Variants in PCBP2 observed in about 807,000 individuals in gnomAD.
PCBP2 encodes the protein poly(rC) binding protein 2, also known as poly(rC)-binding protein 2.
In PCBP2, 4 loss-of-function variants were observed where a neutral mutation model predicts 50.1. The ratio of observed to expected loss-of-function variants is 0.08; its 90% confidence interval spans 0.04 to 0.18. The LOEUF is 0.18. Ranked by LOEUF, PCBP2 falls within the 10% of genes least tolerant of loss-of-function variation. PCBP2 has a pLI of 1.00. For synonymous variants in PCBP2, 179 were observed against 168.0 expected, an observed-to-expected ratio of 1.07 and a Z score of -0.51; for missense variants, 161 against 474.3, an observed-to-expected ratio of 0.34 and a Z score of 6.14.
intron 14 of PCBP2, among the ~76,000 whole-genome samples, chr12:53,478,399 T>C (rs1331366053): frequency 6.6e-6 from 1 of 152,008 alleles, no homozygotes; most frequent in Non-Finnish European, 1.5e-5. Context: ...TTGCAGCTAC[T>C]CAGGAGGCTG....
At chr12:53,470,625 C>T (rs760735263) in intron 13 of PCBP2, among the ~76,000 whole-genome samples, 19 of 151,990 alleles carry the variant, frequency 1.3e-4, no homozygotes, top group Non-Finnish European at 1.3e-4. Context: ...AACTCCTGAA[C>T]GCAAGTGATT....
chr12:53,454,996 T>C lies in PCBP2; in HGVS notation c.69+127T>C. The C allele has an allele frequency of 1.7e-5, 14 of 809,308 alleles. 1 individual carries two copies. The South Asian group carries it at 1.9e-4, about 11-fold the overall frequency. 50.1% of individuals were successfully genotyped at this position (809,308 alleles called of 1,614,324 possible). A position where few individuals can be genotyped will look rare whatever the true frequency, so the allele number is the denominator to read the frequency against. On this transcript the variant is annotated intron_variant, in intron 2 of 14. Coordinates refer to ENST00000546463, the MANE Select transcript of PCBP2 (RefSeq NM_031989.5). ...ATCTGGCTTTAGCACATTTCCCTAA[T>C]GGAGTAGAAGTGAGTGTAGTGGGAA...
In PCBP2 at chr12:53,462,143, A is replaced by G. The variant is rs547561808; in HGVS notation, c.505-350A>G. ...GCAGTTTTGACCTTATTTCCTATTC[A>G]GGCCAAAAAAATGTGAGATACTAAA... On this transcript the variant is annotated intron_variant, in intron 7 of 14. Transcript: ENST00000546463. 2.0e-4 allele frequency among the ~76,000 whole-genome samples: 31 copies of G among 152,336 alleles called. No homozygotes were observed. In the South Asian group the frequency reaches 6.0e-3, roughly 29 times the overall value.
chr12:53,471,618 G>A lies in PCBP2; in HGVS notation c.883-20G>A, dbSNP rs758216034. The A allele has an allele frequency of 1.2e-6, 2 of 1,601,028 alleles. No individual in the cohort carries two copies. Among genetic ancestry groups the A allele is most frequent in the East Asian group, 4.5e-5 (2 of 44,728 alleles). On this transcript the variant is annotated intron_variant, in intron 13 of 14. Transcript: ENST00000546463. ...ATGCAACTCTAATTCGGTGTGCCTT[G>A]TTTTTCTTTCTCCCTTAAGTTGATT...
At chr12:53,459,765 C>CT (rs748942545) in intron 6 of PCBP2, 102 of 321,424 alleles carry the variant, frequency 3.2e-4, no homozygotes, top group East Asian at 9.1e-4. Flanking sequence ...AACTTTTTTT[C>CT]TTTTTTTTGA....
At chr12:53,477,873 T>C (rs1942737227) in intron 14 of PCBP2, among the ~76,000 whole-genome samples, 1 of 152,142 alleles carries the variant, frequency 6.6e-6, no homozygotes, top group Non-Finnish European at 1.5e-5. Flanking sequence ...TGACCACATA[T>C]CACAAATATT....
At chr12:53,462,810 A>G (rs1404728267) in intron 8 of PCBP2, among the ~76,000 whole-genome samples, 1 of 152,142 alleles carries the variant, frequency 6.6e-6, no homozygotes, top group Non-Finnish European at 1.5e-5. Context: ...TTAGAATATA[A>G]GAGTTGAATT....
At chr12:53,470,378 CAAAAAAAAAAA>C (rs754350790) in intron 13 of PCBP2, among the ~76,000 whole-genome samples, 2 of 47,360 alleles carry the variant, frequency 4.2e-5, no homozygotes, top group African/African-American at 2.0e-4. Flanking sequence ...CTCCGTCTCT[CAAAAAAAAAAA>C]AAAAAAAAAA....
chr12:53,471,550 T>G, intron 13 of PCBP2, 88 bp from the exon 14 acceptor site: 2 of 1,251,038 alleles, frequency 1.6e-6, no homozygotes, highest in Non-Finnish European at 1.1e-6. Flanking sequence ...CTGGCCACAG[T>G]CGTAGGATTT....
At chr12:53,458,204 A>G (rs1438516754) in intron 5 of PCBP2, among the ~76,000 whole-genome samples, 1 of 152,114 alleles carries the variant, frequency 6.6e-6, no homozygotes, top group East Asian at 1.9e-4. Context: ...CTGGGAATAC[A>G]GGCCTGAGCC....
chr12:53,462,472 T>G (rs747686138), intron 7 of PCBP2, 21 bp from the exon 8 acceptor site: 4 of 1,597,302 alleles, frequency 2.5e-6, no homozygotes, highest in Non-Finnish European at 3.4e-6. Flanking sequence ...TTTGTTTTTT[T>G]CCCCTCTGAC....
chr12:53,461,874 AT>A (rs554230487), intron 7 of PCBP2, among the ~76,000 whole-genome samples: 1 of 151,834 alleles, frequency 6.6e-6, no homozygotes, highest in East Asian at 1.9e-4. Flanking sequence ...CACCTGGCTA[AT>A]TTTTTTTATT....
At chr12:53,474,635 T>A (rs1942452833) in intron 14 of PCBP2, among the ~76,000 whole-genome samples, 1 of 152,178 alleles carries the variant, frequency 6.6e-6, no homozygotes, top group Non-Finnish European at 1.5e-5. Context: ...TCTGTCAGCT[T>A]TTTCTTCACC....
chr12:53,479,393 T>G lies in PCBP2; in HGVS notation c.1053-13T>G, dbSNP rs1942902758. ...CTGGGGAAACTAACTGAGTTCTTGT[T>G]TCTGTGTTACAGGCTTTCCTCGGAG... On this transcript the variant is annotated splice_polypyrimidine_tract_variant and intron_variant, in intron 14 of 14. Coordinates refer to ENST00000546463, the MANE Select transcript of PCBP2 (RefSeq NM_031989.5). The G allele has an allele frequency of 6.2e-7, 1 of 1,613,798 alleles. No homozygotes were observed. The highest frequency in any genetic ancestry group is 8.5e-7 in the Non-Finnish European group (1 of 1,179,688).
Position 53,459,247 on chromosome 12 carries a change from ATTGTGGTGT to A in PCBP2, c.244-23_244-15del, listed in dbSNP as rs1565859745. 6.3e-7 allele frequency: 1 copy of A among 1,575,774 alleles called. No homozygotes were observed. The highest frequency in any genetic ancestry group is 1.4e-5 in the African/African-American group (1 of 73,742). On this transcript the variant is annotated splice_polypyrimidine_tract_variant and intron_variant, in intron 5 of 14. Coordinates refer to ENST00000546463, the MANE Select transcript of PCBP2 (RefSeq NM_031989.5). ...GTTACTAGTTTCCAGGGATCTGCTT[ATTGTGGTGT>A]TCTTTCTTTCTGTAGGACATAAGCA... is the stretch of plus-strand genomic sequence containing the variant.
intron 9 of PCBP2, among the ~76,000 whole-genome samples, chr12:53,465,492 A>G (rs1444631955): frequency 6.6e-6 from 1 of 152,214 alleles, no homozygotes; most frequent in African/African-American, 2.4e-5. Flanking sequence ...GTTTTAAAAC[A>G]TACCATGTAG....
chr12:53,473,273 C>T (rs1024302690), intron 14 of PCBP2, among the ~76,000 whole-genome samples: 3 of 151,604 alleles, frequency 2.0e-5, no homozygotes, highest in South Asian at 4.2e-4. Context: ...TTAGTATAGA[C>T]GGGGTTTCAC....
chr12:53,453,696 T>C (rs1162134125), intron 1 of PCBP2, among the ~76,000 whole-genome samples: 2 of 152,218 alleles, frequency 1.3e-5, no homozygotes, highest in Admixed American at 1.3e-4. Flanking sequence ...GGGGACATTC[T>C]ACAACTTGGG....
intron 5 of PCBP2, 122 bp downstream of exon 5, chr12:53,456,123 C>A: frequency 1.5e-6 from 1 of 683,606 alleles, no homozygotes; most frequent in South Asian, 1.7e-5. Flanking sequence ...TAAATGGGTC[C>A]TTAGCTTCCT....
Sources: allele counts gnomAD v4.1 joint callset (sites outside exome capture counted in the v4.1 genomes callset), GRCh38; gene constraint gnomAD v4.1.1; transcripts MANE v1.5; gene names NCBI Gene and HGNC (gene_info 2026-07-23, HGNC 2026-07-21).